The following CORO1A variants were observed in gnomAD, a reference collection of about 807,000 sequenced individuals.
The protein encoded by CORO1A is coronin 1A.
A neutral mutation model predicts 44.1 loss-of-function variants in CORO1A; 17 were observed. That is an observed-to-expected ratio of 0.39 (90% CI 0.26 to 0.58). The LOEUF (loss-of-function observed/expected upper bound fraction) is 0.58, where lower values mean the gene tolerates loss of function less well. Among genes scored for constraint, CORO1A ranks in the 20% least tolerant of loss-of-function variants. The pLI, the probability that CORO1A is intolerant of heterozygous loss-of-function variation, is 0.62. For synonymous variants in CORO1A, 271 were observed against 244.2 expected (o/e 1.11, Z -1.02); for missense variants, 415 against 606.5 (o/e 0.68, Z 3.32).
chr16:30,186,284 A>G, intron 2 of CORO1A: 1 of 404,276 alleles, frequency 2.5e-6, no homozygotes, highest in Non-Finnish European at 4.7e-6. Context: ...TGGAAGCCTC[A>G]CTCGGGGAAG....
intron 7 of CORO1A, 31 bp downstream of exon 7, chr16:30,187,860 G>GCCC: frequency 6.4e-7 from 1 of 1,572,696 alleles, no homozygotes; most frequent in Non-Finnish European, 8.7e-7. Flanking sequence ...GGGGGTGGGA[G>GCCC]GTGGGCAGGA....
rs1213680890 is a variant in CORO1A at position 30,187,413 on chromosome 16, CCGTG to C, written c.674_677del (p.Arg225GlnfsTer10). On this transcript the variant is annotated frameshift_variant, in exon 6 of 11. Coordinates refer to ENST00000219150, the MANE Select transcript of CORO1A (RefSeq NM_007074.4). LOFTEE classifies it high-confidence loss of function. The stretch of plus-strand genomic sequence containing the variant: ...GACCGTCCCCACGAGGGGACCCGGC[CCGTG>C]CGTGCAGTGTTCGTGTCGGAGGGGA... The C allele has an allele frequency of 6.2e-7, 1 of 1,611,228 alleles. No homozygotes were observed. Among genetic ancestry groups the C allele is most frequent in the Non-Finnish European group, 8.5e-7 (1 of 1,180,024 alleles).
intron 2 of CORO1A, 135 bp downstream of exon 2, chr16:30,185,542 G>A (rs909889364): frequency 2.8e-6 from 2 of 717,900 alleles, no homozygotes; most frequent in African/African-American, 3.6e-5. Context: ...GGCCCCATGA[G>A]CCTTACACTT....
At chr16:30,187,593 C>G in intron 6 of CORO1A, 92 bp downstream of exon 6, 3 of 1,526,210 alleles carry the variant, frequency 2.0e-6, no homozygotes, top group Non-Finnish European at 2.7e-6. Flanking sequence ...GGCAGGATGG[C>G]CATGGGCCTC....
chr16:30,186,223 AC>A (rs1001642782), intron 2 of CORO1A: 24 of 334,900 alleles, frequency 7.2e-5, no homozygotes, highest in Admixed American at 1.3e-4. Context: ...AGCTGCCTCC[AC>A]CCCCCCAGCC....
At chr16:30,187,859 A>AGGGGGGGGGGGGGGGGGGGGGGGGG in intron 7 of CORO1A, 30 bp downstream of exon 7, 1 of 215,458 alleles carries the variant, frequency 4.6e-6, no homozygotes, top group Non-Finnish European at 6.7e-6. Flanking sequence ...TGGGGGTGGG[A>AGGGGGGGGGGGGGGGGGGGGGGGGG]GGTGGGCAGG....
Position 30,183,681 on chromosome 16 carries a change from T to A in CORO1A, c.-46T>A. On this transcript the variant is annotated 5_prime_UTR_variant, in exon 1 of 11. Transcript: ENST00000219150. The surrounding 1 kb of genome is among the most constrained non-coding windows in gnomAD (Gnocchi z 5.0). Reference sequence around the variant, plus strand: ...TCCTTCCTCCTCTTCCTCCTCCTCCTCCACCTCCGGCTTTTGGGGGATCAC... The same window carrying A: ...TCCTTCCTCCTCTTCCTCCTCCTCCACCACCTCCGGCTTTTGGGGGATCAC... The A allele has an allele frequency of 6.4e-6, 1 of 156,062 alleles. No individual in the cohort carries two copies. The highest frequency in any genetic ancestry group is 1.4e-5 in the Non-Finnish European group (1 of 70,894). 9.7% of individuals were successfully genotyped at this position (156,062 alleles called of 1,614,324 possible).
Position 30,186,702 on chromosome 16 carries a change from C to T in CORO1A, c.303C>T (p.Ser101=), listed in dbSNP as rs766778207. The T allele has an allele frequency of 1.4e-5, 23 of 1,612,362 alleles. No individual in the cohort carries two copies. The East Asian group carries it at 4.2e-4, about 30-fold the overall frequency. ...PHNDNVIASG[S]EDCTVMVWEI... ...ATGACAACGTCATTGCCAGTGGCTC[C>T]GAGGACTGCACAGTCATGGTGAGTG... The change falls in exon 3 of 11, where the codon TCC becomes TCT. Residue 101 remains serine (S), a synonymous_variant. Coordinates refer to ENST00000219150, the MANE Select transcript of CORO1A (RefSeq NM_007074.4).
At chr16:30,185,066 C>T (rs1846088176) in intron 1 of CORO1A, 143 bp from the exon 2 acceptor site, 5 of 804,102 alleles carry the variant, frequency 6.2e-6, no homozygotes, top group South Asian at 4.4e-5. Context: ...AGGCATCAGC[C>T]ACAGAGGGAA....
intron 7 of CORO1A, 36 bp downstream of exon 7, chr16:30,187,865 G>GGGGGGGGGGGGGGCCCGGGGGC: frequency 1.9e-6 from 1 of 513,362 alleles, no homozygotes; most frequent in Non-Finnish European, 3.6e-6. Context: ...TGGGAGGTGG[G>GGGGGGGGGGGGGGCCCGGGGGC]CAGGATGGGC....
At chr16:30,186,509 TCCTCTCTGGG>T in intron 2 of CORO1A, 79 bp from the exon 3 acceptor site, 5 of 1,520,548 alleles carry the variant, frequency 3.3e-6, no homozygotes, top group Admixed American at 1.7e-5. Flanking sequence ...ACCACAGCTT[TCCTCTCTGGG>T]CCTCTCTGAA....
Position 30,187,414 on chromosome 16 carries a change from C to A in CORO1A, c.669C>A (p.Pro223=). 1 of 1,611,304 alleles carries A rather than the reference C, an allele frequency of 6.2e-7. No homozygotes were observed. The highest frequency in any genetic ancestry group is 1.1e-5 in the South Asian group (1 of 91,088). ...EKDRPHEGTR[P]VRAVFVSEGK... is the part of the protein sequence containing the mutation. ...ACCGTCCCCACGAGGGGACCCGGCC[C>A]GTGCGTGCAGTGTTCGTGTCGGAGG... Residue 223 remains proline (P), a synonymous_variant, in exon 6 of 11, where the codon CCC becomes CCA. Transcript: ENST00000219150.
At position 30,187,786 on chromosome 16, in the gene CORO1A, CCTT is replaced by C. The variant is rs764684366; in HGVS notation, c.822_824del (p.Phe275del). On this transcript the variant is annotated inframe_deletion, in exon 7 of 11. Coordinates refer to ENST00000219150, the MANE Select transcript of CORO1A (RefSeq NM_007074.4). ...GACACCAGCAGCGGTGTCCTGCTGCCCTTCTTTGACCCTGACACCAACATCGTC... is the reference window on the plus strand; with the variant it reads ...GACACCAGCAGCGGTGTCCTGCTGCCCTTTGACCCTGACACCAACATCGTC... The C allele has an allele frequency of 6.2e-7, 1 of 1,602,136 alleles. No homozygotes were observed. The highest frequency in any genetic ancestry group is 8.5e-7 in the Non-Finnish European group (1 of 1,175,836).
rs1028173314 is a variant in CORO1A at position 30,188,397 on chromosome 16, G to A, written c.1102G>A (p.Ala368Thr). ...LFQEDLYPPT[A>T]GPDPALTAEE... ...CCAGGAGGACCTGTACCCACCCACCGCAGGGCCCGACCCTGCCCTCACGGC... is the reference window on the plus strand; with the variant it reads ...CCAGGAGGACCTGTACCCACCCACCACAGGGCCCGACCCTGCCCTCACGGC... The change falls in exon 10 of 11, where the codon GCA (alanine) becomes ACA (threonine). Residue 368 changes from alanine (A) to threonine (T), a missense_variant. Physicochemically the swap from Ala to Thr is moderately conservative, Grantham distance 58. This residue lies in a region of CORO1A where 325 missense variants were observed against 521.7 expected (regional missense o/e 0.62). Transcript: ENST00000219150. 7.4e-6 allele frequency: 12 copies of A among 1,613,804 alleles called. No homozygotes were observed. Among genetic ancestry groups the A allele is most frequent in the South Asian group, 1.1e-5 (1 of 91,086 alleles).
chr16:30,188,299 C>A (rs542461381), intron 9 of CORO1A, 50 bp downstream of exon 9: 1 of 1,611,536 alleles, frequency 6.2e-7, no homozygotes, highest in Admixed American at 1.7e-5. Flanking sequence ...ACTGACTTTG[C>A]GGTCTTGTGG....
chr16:30,187,897 G>A lies in CORO1A; in HGVS notation c.862-45G>A, dbSNP rs2073361777. 6.8e-6 allele frequency: 11 copies of A among 1,612,874 alleles called. No individual in the cohort carries two copies. The East Asian group carries it at 2.5e-4, about 36-fold the overall frequency. ...GGGCCTGGAGAGGGCCAGGGCAGTG[G>A]GCATCCGCTGGTATTGACCCTCCCT... On this transcript the variant is annotated intron_variant, in intron 7 of 10. Transcript: ENST00000219150.
intron 7 of CORO1A, 36 bp downstream of exon 7, chr16:30,187,865 G>GGGGGGCCGGGGGGC: frequency 1.9e-6 from 1 of 513,366 alleles, no homozygotes; most frequent in Non-Finnish European, 3.6e-6. Context: ...TGGGAGGTGG[G>GGGGGGCCGGGGGGC]CAGGATGGGC....
At chr16:30,187,326 A>T in intron 5 of CORO1A, 56 bp from the exon 6 acceptor site, 1 of 1,606,486 alleles carries the variant, frequency 6.2e-7, no homozygotes, top group Non-Finnish European at 8.5e-7. Context: ...TCCACCTGGG[A>T]CTGGCCCCGT....
rs75396666 is a variant in CORO1A, at chr16:30,188,313, G to A, written c.1066-48G>A. The A allele has an allele frequency of 8.1e-6, 13 of 1,611,982 alleles. No individual in the cohort carries two copies. The South Asian group carries it at 1.2e-4, about 15-fold the overall frequency. On this transcript the variant is annotated intron_variant, in intron 9 of 10. Transcript: ENST00000219150. ...CACTGACTTTGCGGTCTTGTGGGGG[G>A]TGTCCTGGCATAAGCGCTTTCCTCA...
Sources: gnomAD v4.1 joint callset for allele counts on GRCh38, gnomAD v4.1.1 for gene constraint, gnomAD v4.1.1 regional missense constraint, Gnocchi (gnomAD v3.1) non-coding constraint, MANE v1.5 for transcripts, NCBI Gene and HGNC (gene_info 2026-07-23, HGNC 2026-07-21) for gene names.